The following IL18RAP variants were observed in gnomAD, a reference collection of about 807,000 sequenced individuals.
IL18RAP encodes the protein interleukin 18 receptor accessory protein.
In IL18RAP, 37 loss-of-function variants were observed where a neutral mutation model predicts 58.1. The ratio of observed to expected loss-of-function variants is 0.64; its 90% confidence interval spans 0.49 to 0.84. The LOEUF is 0.84. Ranked by LOEUF, IL18RAP falls within the 40% of genes least tolerant of loss-of-function variation. The probability of loss-of-function intolerance (pLI) is 0.00; values close to 1 mark genes in which losing one functional copy is unlikely to be tolerated. For synonymous variants in IL18RAP, 268 were observed against 257.5 expected (o/e 1.04, Z -0.39); for missense variants, 667 against 704.8 (o/e 0.95, Z 0.61).
chr2:102,428,192 T>C (rs1265025485), intron 3 of IL18RAP, among the ~76,000 whole-genome samples: 1 of 151,882 alleles, frequency 6.6e-6, no homozygotes, highest in Non-Finnish European at 1.5e-5. Context: ...GGGTCTTTTG[T>C]GGTTCCATAT....
Position 102,452,310 on chromosome 2 carries a change from G to C in IL18RAP, c.*129G>C. 2 of 880,402 alleles carry C rather than the reference G, an allele frequency of 2.3e-6. No individual in the cohort carries two copies. Among genetic ancestry groups the C allele is most frequent in the Non-Finnish European group, 3.4e-6 (2 of 581,240 alleles). The allele number at this position is 880,402 out of a possible 1,614,324, so 54.5% of individuals were successfully genotyped here. A position where few individuals can be genotyped will look rare whatever the true frequency, so the allele number is the denominator to read the frequency against. On this transcript the variant is annotated 3_prime_UTR_variant, in exon 10 of 10. Coordinates refer to ENST00000687160, the MANE Select transcript of IL18RAP (RefSeq NM_001393487.1). Reference sequence around the variant, plus strand: ...AGAGTCTCCTGCCAGCACCAAGCAAGCTTGATGGACAATGGAGTGGGATTG... The same window carrying C: ...AGAGTCTCCTGCCAGCACCAAGCAACCTTGATGGACAATGGAGTGGGATTG...
At chr2:102,421,470 G>C (rs1422250504), upstream of IL18RAP, among the ~76,000 whole-genome samples, 1 of 152,210 alleles carries the variant, frequency 6.6e-6, no homozygotes, top group Non-Finnish European at 1.5e-5. Context: ...TGCTTAGGAA[G>C]ATGTGTCTGG....
chr2:102,443,391 C>T, intron 6 of IL18RAP, 68 bp downstream of exon 6: 1 of 1,545,228 alleles, frequency 6.5e-7, no homozygotes, highest in Non-Finnish European at 8.7e-7. Flanking sequence ...TTAGAAATGC[C>T]TAAAGTATAC....
At chr2:102,446,766 C>T (rs1683444626) in intron 7 of IL18RAP, among the ~76,000 whole-genome samples, 1 of 143,566 alleles carries the variant, frequency 7.0e-6, no homozygotes, top group South Asian at 2.1e-4. Flanking sequence ...CACTGCACTC[C>T]AGCCTGGGCG....
chr2:102,425,941 A>G (rs12997015), intron 3 of IL18RAP, among the ~76,000 whole-genome samples: 2,727 of 152,318 alleles, frequency 0.018, 26 homozygotes, highest in Non-Finnish European at 0.028. Context: ...ACATGTGTTT[A>G]ATGGTGAACA....
intron 6 of IL18RAP, among the ~76,000 whole-genome samples, chr2:102,444,618 G>C (rs1201947916): frequency 6.6e-6 from 1 of 152,212 alleles, no homozygotes; most frequent in African/African-American, 2.4e-5. Flanking sequence ...GGTAACTTCA[G>C]AGAACTCAAA....
intron 3 of IL18RAP, among the ~76,000 whole-genome samples, chr2:102,430,061 A>C (rs904340437): frequency 3.3e-5 from 5 of 151,972 alleles, no homozygotes; most frequent in African/African-American, 1.2e-4. Flanking sequence ...AATGTTCTGT[A>C]TATGTCTGTT....
In IL18RAP at chr2:102,450,879, T is replaced by C. The variant is rs1683719590; in HGVS notation, c.1242T>C (p.Tyr414=). Reference sequence around the variant, plus strand: ...AGGATTTTGATGCTTTCGTATCCTATGCAAAATGGAGCTCTTTTCCAAGTG... The same window carrying C: ...AGGATTTTGATGCTTTCGTATCCTACGCAAAATGGAGCTCTTTTCCAAGTG... ...DKKDFDAFVS[Y]AKWSSFPSEA... The change falls in exon 9 of 10, where the codon TAT becomes TAC. Residue 414 remains tyrosine, a synonymous_variant. Coordinates refer to ENST00000687160, the MANE Select transcript of IL18RAP (RefSeq NM_001393487.1). The C allele has an allele frequency of 6.2e-7, 1 of 1,608,258 alleles. No individual in the cohort carries two copies. The highest frequency in any genetic ancestry group is 8.5e-7 in the Non-Finnish European group (1 of 1,178,174).
At chr2:102,448,582 G>T (rs1237663549) in intron 8 of IL18RAP, among the ~76,000 whole-genome samples, 2 of 152,134 alleles carry the variant, frequency 1.3e-5, no homozygotes, top group African/African-American at 4.8e-5. Flanking sequence ...TTACTGAGAG[G>T]CCCCTCCAAA....
chr2:102,442,862 A>C (rs35099609), intron 5 of IL18RAP, among the ~76,000 whole-genome samples: 1 of 152,222 alleles, frequency 6.6e-6, no homozygotes, highest in African/African-American at 2.4e-5. Flanking sequence ...AGTGCAGAAG[A>C]CCGGGCTGAT....
chr2:102,437,505 A>G, intron 4 of IL18RAP, 143 bp downstream of exon 4: 10 of 713,440 alleles, frequency 1.4e-5, no homozygotes, highest in Non-Finnish European at 2.0e-5. Context: ...ATGTGGGCAA[A>G]CATCAAAGTT....
At chr2:102,432,378 CT>C (rs1403525687) in intron 3 of IL18RAP, 1 of 154,256 alleles carries the variant, frequency 6.5e-6, no homozygotes, top group Admixed American at 6.5e-5. Context: ...GAGCAATACC[CT>C]TGTGTCTTCC....
At chr2:102,445,367 C>T in intron 7 of IL18RAP, 27 bp downstream of exon 7, 27 of 1,608,060 alleles carry the variant, frequency 1.7e-5, no homozygotes, top group Non-Finnish European at 2.3e-5. Flanking sequence ...GCCCAGGAGG[C>T]ATGAAACTGC....
chr2:102,450,857 A>G lies in IL18RAP; in HGVS notation c.1220A>G (p.Asp407Gly). 6.3e-7 allele frequency: 1 copy of G among 1,576,022 alleles called. No individual in the cohort carries two copies. The highest frequency in any genetic ancestry group is 8.6e-7 in the Non-Finnish European group (1 of 1,167,124). Reference protein sequence around the residue: ...SKDQTLGDKKDFDAFVSYAKW... With the variant: ...SKDQTLGDKKGFDAFVSYAKW... ...TTTTCCTATTCTTCAGATAAAAAGGATTTTGATGCTTTCGTATCCTATGCA... is the reference window on the plus strand; with the variant it reads ...TTTTCCTATTCTTCAGATAAAAAGGGTTTTGATGCTTTCGTATCCTATGCA... The change falls in exon 9 of 10, where the codon GAT (aspartate) becomes GGT (glycine). Residue 407 changes from aspartate to glycine, a missense_variant. Asp to Gly is a moderately conservative substitution (Grantham distance 94). Transcript: ENST00000687160.
intron 6 of IL18RAP, among the ~76,000 whole-genome samples, chr2:102,443,674 G>A (rs912999021): frequency 6.6e-6 from 1 of 152,098 alleles, no homozygotes; most frequent in Non-Finnish European, 1.5e-5. Context: ...GAGAGTGTGG[G>A]GGTACAGGGA....
upstream of IL18RAP, among the ~76,000 whole-genome samples, chr2:102,421,185 A>G (rs78621514): frequency 7.5e-3 from 1,149 of 152,294 alleles, 13 homozygotes; most frequent in African/African-American, 0.026. Flanking sequence ...GTTGGGGAGA[A>G]GTTTTAGGAG....
At chr2:102,424,436 T>C (rs1467907142) in intron 3 of IL18RAP, 22 bp downstream of exon 3, 2 of 1,595,554 alleles carry the variant, frequency 1.3e-6, no homozygotes, top group Admixed American at 1.7e-5. Flanking sequence ...TTCTCTAAAA[T>C]TAATATAAGA....
chr2:102,424,845 C>T (rs1029513169), intron 3 of IL18RAP, among the ~76,000 whole-genome samples: 1 of 152,182 alleles, frequency 6.6e-6, no homozygotes, highest in Non-Finnish European at 1.5e-5. Context: ...AAAGACAGCT[C>T]TTGGAGGACA....
chr2:102,433,406 T>A (rs1327831061), intron 3 of IL18RAP, among the ~76,000 whole-genome samples: 1 of 152,140 alleles, frequency 6.6e-6, no homozygotes, highest in Non-Finnish European at 1.5e-5. Context: ...AAATTTTTTG[T>A]AGAGAAGGGG....
Sources: allele counts gnomAD v4.1 joint callset (sites outside exome capture counted in the v4.1 genomes callset), GRCh38; gene constraint gnomAD v4.1.1; transcripts MANE v1.5; gene names NCBI Gene and HGNC (gene_info 2026-07-23, HGNC 2026-07-21).